GLRX5: variants seen among roughly 807,000 people sequenced by gnomAD.
The protein encoded by GLRX5 is glutaredoxin 5.
Under a neutral mutation model 13.8 loss-of-function variants are expected in GLRX5, and 10 were observed. The observed-to-expected ratio is 0.72, with a 90% CI of 0.45 to 1.23. The LOEUF (loss-of-function observed/expected upper bound fraction) is 1.23, where lower values mean the gene tolerates loss of function less well. GLRX5 is among the 50% of genes most tolerant of loss of function. The pLI is 0.00. For missense variants in GLRX5, 233 were observed against 215.2 expected (o/e 1.08, Z -0.52); for synonymous variants, 98 against 101.1 (o/e 0.97, Z 0.18).
At chr14:95,543,621 A>G in intron 1 of GLRX5, 1 of 358,648 alleles carries the variant, frequency 2.8e-6, no homozygotes, top group Non-Finnish European at 5.2e-6. Flanking sequence ...TAAGGTCCGC[A>G]ATGTATCAGG....
intron 1 of GLRX5, chr14:95,543,059 A>G (rs1320664103): frequency 6.6e-6 from 3 of 455,930 alleles, no homozygotes; most frequent in Non-Finnish European, 1.3e-5. Context: ...GTGTCCTCAG[A>G]GCCATTTGCA....
At chr14:95,540,618 G>C (rs539177860) in intron 1 of GLRX5, among the ~76,000 whole-genome samples, 1 of 152,090 alleles carries the variant, frequency 6.6e-6, no homozygotes, top group East Asian at 1.9e-4. Context: ...TCGACTTAAC[G>C]CCATTCTCTA....
chr14:95,538,691 C>CCT (rs1208423105), intron 1 of GLRX5, among the ~76,000 whole-genome samples: 17 of 152,330 alleles, frequency 1.1e-4, no homozygotes, highest in African/African-American at 3.8e-4. Flanking sequence ...GATCTGCAAA[C>CCT]TTACCCTAGT....
Position 95,537,135 on chromosome 14 carries a change from G to A in GLRX5, c.295+1751G>A, listed in dbSNP as rs574368890. Among the ~76,000 whole-genome samples the A allele has an allele frequency of 1.4e-4, 21 of 152,212 alleles. No individual in the cohort carries two copies. The South Asian group carries it at 2.9e-3, about 21-fold the overall frequency. On this transcript the variant is annotated intron_variant, in intron 1 of 1. Transcript: ENST00000331334. ...AGTAAAAAAGTGGTGTTGTTATCTCGCTTAGTATCATGTTTCGAGGGTCTT... is the reference window on the plus strand; with the variant it reads ...AGTAAAAAAGTGGTGTTGTTATCTCACTTAGTATCATGTTTCGAGGGTCTT...
chr14:95,543,676 A>C (rs564573119), intron 1 of GLRX5: 1 of 472,768 alleles, frequency 2.1e-6, no homozygotes, highest in Admixed American at 3.7e-5. Context: ...CAAAAAAAAA[A>C]ACCTTGGGAG....
chr14:95,543,851 G>A (rs1891513556), intron 1 of GLRX5, 96 bp from the exon 2 acceptor site: 9 of 1,043,266 alleles, frequency 8.6e-6, no homozygotes, highest in Non-Finnish European at 1.2e-5. Flanking sequence ...GAGGGACAGT[G>A]GGTTGTCTGC....
chr14:95,544,071 G>C lies in GLRX5; in HGVS notation c.420G>C (p.Lys140Asn). ...QNGDLVEELKKLGIHSALLDE... is the reference protein window; with the variant it reads ...QNGDLVEELKNLGIHSALLDE... ...GGGACTTGGTGGAAGAACTGAAAAAGCTGGGGATCCACTCCGCCCTTTTAG... is the reference window on the plus strand; with the variant it reads ...GGGACTTGGTGGAAGAACTGAAAAACCTGGGGATCCACTCCGCCCTTTTAG... The change falls in exon 2 of 2, where the codon AAG becomes AAC. Residue 140 changes from lysine to asparagine, a missense_variant. Coordinates refer to ENST00000331334, the MANE Select transcript of GLRX5 (RefSeq NM_016417.3). 1 of 1,614,180 alleles carries C rather than the reference G, an allele frequency of 6.2e-7. No homozygotes were observed. The highest frequency in any genetic ancestry group is 8.5e-7 in the Non-Finnish European group (1 of 1,180,020).
At chr14:95,543,593 A>C (rs527850458) in intron 1 of GLRX5, 62 of 332,240 alleles carry the variant, frequency 1.9e-4, no homozygotes, top group African/African-American at 1.3e-3. Flanking sequence ...TACCCAGTCC[A>C]GTCCTCTGCC....
At chr14:95,539,537 A>C (rs1427961506) in intron 1 of GLRX5, among the ~76,000 whole-genome samples, 1 of 152,264 alleles carries the variant, frequency 6.6e-6, no homozygotes, top group Non-Finnish European at 1.5e-5. Flanking sequence ...GGCATAAAAC[A>C]GTCCCATATA....
intron 1 of GLRX5, among the ~76,000 whole-genome samples, chr14:95,537,864 C>G (rs1891406850): frequency 1.3e-5 from 2 of 152,228 alleles, no homozygotes; most frequent in Admixed American, 1.3e-4. Flanking sequence ...GCATTGTGTT[C>G]TGGCCTTCTC....
At chr14:95,536,029 G>T (rs1364819748) in intron 1 of GLRX5, among the ~76,000 whole-genome samples, 2 of 152,176 alleles carry the variant, frequency 1.3e-5, no homozygotes, top group Non-Finnish European at 2.9e-5. Context: ...ATGACATTTG[G>T]CTTTAGATAC....
At chr14:95,538,095 CAGTT>C (rs1289487952) in intron 1 of GLRX5, among the ~76,000 whole-genome samples, 1 of 23,710 alleles carries the variant, frequency 4.2e-5, no homozygotes, top group Admixed American at 4.8e-4. Context: ...TAGTTCCTAA[CAGTT>C]TTTTTTTTTT....
intron 1 of GLRX5, among the ~76,000 whole-genome samples, chr14:95,536,871 G>A (rs114604595): frequency 0.024 from 3,645 of 152,198 alleles, 154 homozygotes; most frequent in African/African-American, 0.081. Context: ...GGAGTCGAGA[G>A]GGCAGGTTCA....
intron 1 of GLRX5, among the ~76,000 whole-genome samples, chr14:95,540,940 ATTTG>A (rs1891463553): frequency 1.3e-5 from 2 of 152,130 alleles, no homozygotes; most frequent in Non-Finnish European, 2.9e-5. Flanking sequence ...TGGAATATGA[ATTTG>A]TTTGTATGGG....
At chr14:95,537,573 C>T (rs1350221408) in intron 1 of GLRX5, among the ~76,000 whole-genome samples, 1 of 152,236 alleles carries the variant, frequency 6.6e-6, no homozygotes, top group Non-Finnish European at 1.5e-5. Context: ...CTTCCCTATA[C>T]AGCTTTATTT....
chr14:95,538,471 C>T (rs1185601509), intron 1 of GLRX5, among the ~76,000 whole-genome samples: 1 of 152,144 alleles, frequency 6.6e-6, no homozygotes, highest in African/African-American at 2.4e-5. Context: ...GAATTGAAGA[C>T]AGTAGTGAAA....
chr14:95,536,157 G>T (rs1257871719), intron 1 of GLRX5, among the ~76,000 whole-genome samples: 4 of 152,186 alleles, frequency 2.6e-5, no homozygotes, highest in Admixed American at 6.5e-5. Flanking sequence ...AGCCCAGGGG[G>T]CCAGGGCACC....
Position 95,544,213 on chromosome 14 carries a change from TATTGAGACCGCAACTGCTTGC to T in GLRX5, c.*90_*110del. Reference sequence around the variant, plus strand: ...AAGCCTTACCCATTTTGGTTTTCACTATTGAGACCGCAACTGCTTGCACTGATCATTTTGGTTCGTGAGCAG... The same window carrying T: ...AAGCCTTACCCATTTTGGTTTTCACTACTGATCATTTTGGTTCGTGAGCAG... On this transcript the variant is annotated 3_prime_UTR_variant, in exon 2 of 2. Coordinates refer to ENST00000331334, the MANE Select transcript of GLRX5 (RefSeq NM_016417.3). The T allele has an allele frequency of 4.6e-6, 5 of 1,079,970 alleles. No individual in the cohort carries two copies. The highest frequency in any genetic ancestry group is 7.0e-6 in the Non-Finnish European group (5 of 715,660). The allele number at this position is 1,079,970 out of a possible 1,614,324, so 66.9% of individuals were successfully genotyped here. A position where few individuals can be genotyped will look rare whatever the true frequency, so the allele number is the denominator to read the frequency against.
intron 1 of GLRX5, chr14:95,543,241 C>T: frequency 2.2e-6 from 1 of 455,392 alleles, no homozygotes; most frequent in South Asian, 1.5e-5. Context: ...TCATCATCCA[C>T]TCCACAGAGA....
Sources: gnomAD v4.1 joint callset for allele counts (sites outside exome capture counted in the v4.1 genomes callset) on GRCh38, gnomAD v4.1.1 for gene constraint, MANE v1.5 for transcripts, NCBI Gene and HGNC (gene_info 2026-07-23, HGNC 2026-07-21) for gene names.